Variants in ZC3H12B observed in about 807,000 individuals in gnomAD.
ZC3H12B encodes the protein zinc finger CCCH-type containing 12B.
In ZC3H12B, 7 loss-of-function variants were observed where a neutral mutation model predicts 43.9. That is an observed-to-expected ratio of 0.16 (90% confidence interval 0.09 to 0.30). The LOEUF is 0.30. ZC3H12B is among the 10% of genes least tolerant of loss of function. The probability of loss-of-function intolerance (pLI) is 1.00; values close to 1 mark genes in which losing one functional copy is unlikely to be tolerated. For missense variants in ZC3H12B, 475 were observed against 670.2 expected (o/e 0.71, Z 3.22); for synonymous variants, 222 against 241.7 (o/e 0.92, Z 0.76).
chrX:65,295,777 C>T, the ZC3H12B span, among the ~76,000 whole-genome samples: 3 of 111,199 alleles, frequency 2.7e-5, no homozygotes, highest in East Asian at 8.4e-4. Flanking sequence ...CTATGAACAC[C>T]TTTACACGCA....
chrX:65,151,636 A>G, the ZC3H12B span, among the ~76,000 whole-genome samples: 3 of 111,382 alleles, frequency 2.7e-5, no homozygotes, highest in African/African-American at 6.5e-5. Context: ...TTTTTCTTCA[A>G]TTTTCAACAG....
the ZC3H12B span, among the ~76,000 whole-genome samples, chrX:65,232,365 G>T: frequency 5.4e-5 from 6 of 111,700 alleles, no homozygotes; most frequent in Non-Finnish European, 7.5e-5. Flanking sequence ...GCTTCAGCTG[G>T]TCCCTCCGTT....
At chrX:65,304,896 C>T in the ZC3H12B span, among the ~76,000 whole-genome samples, 1 of 110,913 alleles carries the variant, frequency 9.0e-6, no homozygotes, top group Admixed American at 9.6e-5. Flanking sequence ...TAAAGACAAG[C>T]TATAGACGTG....
chrX:65,231,197 A>T, the ZC3H12B span, among the ~76,000 whole-genome samples: 1 of 111,056 alleles, frequency 9.0e-6, no homozygotes, highest in Non-Finnish European at 1.9e-5. Context: ...AGGGATTTCA[A>T]AAGGGGAGGG....
the ZC3H12B span, among the ~76,000 whole-genome samples, chrX:65,183,755 C>T: frequency 1.8e-5 from 2 of 110,928 alleles, no homozygotes; most frequent in African/African-American, 6.5e-5. Context: ...GGTACTTATC[C>T]CTATTGTTCA....
At chrX:65,134,912 A>T in the ZC3H12B span, among the ~76,000 whole-genome samples, 1 of 111,011 alleles carries the variant, frequency 9.0e-6, no homozygotes, top group African/African-American at 3.3e-5. Context: ...AGGGGCGGGA[A>T]TCACAAGGTG....
At chrX:65,289,572 C>A in the ZC3H12B span, among the ~76,000 whole-genome samples, 2 of 108,536 alleles carry the variant, frequency 1.8e-5, no homozygotes, top group Admixed American at 1.0e-4. Flanking sequence ...ATTTTATATT[C>A]ATAATATCTA....
At chrX:65,131,158 C>T in the ZC3H12B span, among the ~76,000 whole-genome samples, 1 of 111,375 alleles carries the variant, frequency 9.0e-6, no homozygotes, top group South Asian at 3.8e-4. Flanking sequence ...GTTTGGCTTG[C>T]TGAGAGGTAT....
At chrX:65,196,128 AC>A in the ZC3H12B span, among the ~76,000 whole-genome samples, 2 of 49,870 alleles carry the variant, frequency 4.0e-5, no homozygotes, top group East Asian at 7.0e-4. Context: ...CCTTCCCCCC[AC>A]CCCCCGCAGC....
the ZC3H12B span, among the ~76,000 whole-genome samples, chrX:65,241,749 C>A: frequency 8.9e-6 from 1 of 112,114 alleles, no homozygotes; most frequent in Non-Finnish European, 1.9e-5. Context: ...CAGGCAATCT[C>A]CAGCCTGTTT....
At chrX:65,202,606 G>T in the ZC3H12B span, among the ~76,000 whole-genome samples, 1 of 110,931 alleles carries the variant, frequency 9.0e-6, no homozygotes. Flanking sequence ...TGGAGTCTAC[G>T]TCTTTGTTCT....
the ZC3H12B span, among the ~76,000 whole-genome samples, chrX:65,207,410 AG>A: frequency 9.0e-6 from 1 of 110,647 alleles, no homozygotes; most frequent in Non-Finnish European, 1.9e-5. Context: ...ATATGTTCTC[AG>A]TGATATGTGG....
chrX:65,227,588 C>T, the ZC3H12B span, among the ~76,000 whole-genome samples: 1 of 111,323 alleles, frequency 9.0e-6, no homozygotes, highest in Non-Finnish European at 1.9e-5. Flanking sequence ...ATTAATGAAT[C>T]CAGTAGCTGG....
chrX:65,317,489 T>C, the ZC3H12B span, among the ~76,000 whole-genome samples: 1 of 109,653 alleles, frequency 9.1e-6, no homozygotes, highest in Admixed American at 9.8e-5. Flanking sequence ...TCGAGCTGTA[T>C]ACACTGAATC....
the ZC3H12B span, among the ~76,000 whole-genome samples, chrX:65,082,680 A>G: frequency 9.0e-6 from 1 of 111,429 alleles, no homozygotes; most frequent in East Asian, 2.8e-4. Flanking sequence ...ATTCTACCCA[A>G]CCTTTAAAGA....
At chrX:65,281,504 G>A in the ZC3H12B span, among the ~76,000 whole-genome samples, 1 of 111,941 alleles carries the variant, frequency 8.9e-6, no homozygotes, top group Admixed American at 9.5e-5. Flanking sequence ...AGGACTACAG[G>A]CATGAGCCAC....
intron 3 of ZC3H12B, among the ~76,000 whole-genome samples, chrX:65,446,611 G>A (rs2067380551): frequency 8.9e-6 from 1 of 111,855 alleles, no homozygotes; most frequent in Admixed American, 9.5e-5. Flanking sequence ...GTCCTGTGTT[G>A]CTTTCCGCTG....
intron 3 of ZC3H12B, among the ~76,000 whole-genome samples, chrX:65,458,732 C>T (rs920325960): frequency 8.9e-6 from 1 of 111,800 alleles, no homozygotes; most frequent in Non-Finnish European, 1.9e-5. Context: ...AAACTTATAG[C>T]ACTAAATGCC....
the ZC3H12B span, among the ~76,000 whole-genome samples, chrX:65,314,291 T>A: frequency 9.0e-6 from 1 of 111,527 alleles, no homozygotes; most frequent in Non-Finnish European, 1.9e-5. Flanking sequence ...TGGTGAAATA[T>A]GTAAATTTAC....
Sources: gnomAD v4.1 joint callset for allele counts (sites outside exome capture counted in the v4.1 genomes callset) on GRCh38, gnomAD v4.1.1 for gene constraint, MANE v1.5 for transcripts, NCBI Gene and HGNC (gene_info 2026-07-23, HGNC 2026-07-21) for gene names.